The following CNTNAP4 variants were observed in gnomAD, a reference collection of about 807,000 sequenced individuals.
CNTNAP4 encodes the protein contactin associated protein family member 4.
Under a neutral mutation model 148.4 loss-of-function variants are expected in CNTNAP4, and 98 were observed. The ratio of observed to expected loss-of-function variants is 0.66; its 90% CI spans 0.56 to 0.78. CNTNAP4 has a LOEUF of 0.78. CNTNAP4 is among the 30% of genes least tolerant of loss of function. The probability of loss-of-function intolerance (pLI) is 0.00; values close to 1 mark genes in which losing one functional copy is unlikely to be tolerated. For missense variants in CNTNAP4, 1,935 were observed against 1,565.6 expected (o/e 1.24, Z -3.98); for synonymous variants, 730 against 565.1 (o/e 1.29, Z -4.14).
intron 2 of CNTNAP4, among the ~76,000 whole-genome samples, chr16:76,340,039 G>A (rs1032997566): frequency 6.6e-6 from 1 of 152,126 alleles, no homozygotes; most frequent in African/African-American, 2.4e-5. Context: ...ACAAGAACAG[G>A]TTTCATAGAA....
chr16:76,313,876 T>G (rs1597158280), intron 1 of CNTNAP4, among the ~76,000 whole-genome samples: 1 of 152,194 alleles, frequency 6.6e-6, no homozygotes, highest in East Asian at 1.9e-4. Flanking sequence ...AATTATAGAA[T>G]GTATATGTTA....
chr16:76,544,027 C>T (rs1018097230), intron 21 of CNTNAP4, among the ~76,000 whole-genome samples: 1 of 152,176 alleles, frequency 6.6e-6, no homozygotes, highest in Non-Finnish European at 1.5e-5. Context: ...GAGCTTATGG[C>T]AGTGGGGATT....
At chr16:76,516,063 G>C (rs11642786) in intron 15 of CNTNAP4, among the ~76,000 whole-genome samples, 48,247 of 151,614 alleles carry the variant, frequency 0.32, 9,175 homozygotes, top group East Asian at 0.54. Flanking sequence ...GCATCCATTA[G>C]GTATTTGTCT....
intron 4 of CNTNAP4, among the ~76,000 whole-genome samples, chr16:76,428,307 T>A (rs1450876718): frequency 6.6e-6 from 1 of 152,132 alleles, no homozygotes; most frequent in East Asian, 1.9e-4. Flanking sequence ...TTAATATGAT[T>A]TACAATTAGC....
intron 2 of CNTNAP4, among the ~76,000 whole-genome samples, chr16:76,338,357 A>T (rs549208838): frequency 9.9e-5 from 15 of 152,200 alleles, no homozygotes; most frequent in African/African-American, 2.2e-4. Context: ...CTTGATGACA[A>T]CTGCCCTCCT....
chr16:76,490,306 G>C (rs114295199), intron 13 of CNTNAP4, among the ~76,000 whole-genome samples: 2,150 of 152,254 alleles, frequency 0.014, 46 homozygotes, highest in African/African-American at 0.048. Context: ...CTCATGGATT[G>C]TTGACAGCCT....
chr16:76,527,640 T>C (rs2083799122), intron 17 of CNTNAP4, among the ~76,000 whole-genome samples: 1 of 152,224 alleles, frequency 6.6e-6, no homozygotes, highest in African/African-American at 2.4e-5. Flanking sequence ...ATGGTAATAA[T>C]AATAATGTTT....
intron 1 of CNTNAP4, among the ~76,000 whole-genome samples, chr16:76,279,710 G>C (rs1597062204): frequency 6.6e-6 from 1 of 152,130 alleles, no homozygotes; most frequent in African/African-American, 2.4e-5. Context: ...TTCTTCAAGT[G>C]TCAAAAATAA....
At chr16:76,368,767 C>T (rs1340702407) in intron 3 of CNTNAP4, among the ~76,000 whole-genome samples, 2 of 152,172 alleles carry the variant, frequency 1.3e-5, no homozygotes, top group East Asian at 3.9e-4. Context: ...CACATGTATA[C>T]CTATGTAACA....
Position 76,498,507 on chromosome 16 carries a change from G to T in CNTNAP4, c.2238-60G>T, listed in dbSNP as rs541810850. The T allele has an allele frequency of 9.5e-6, 14 of 1,476,542 alleles. No homozygotes were observed. In the African/African-American group the frequency reaches 1.5e-4, roughly 16 times the overall value. 91.5% of individuals were successfully genotyped at this position (1,476,542 alleles called of 1,614,324 possible). ...ATTTAGTTCAGAACATCTTGGTTTT[G>T]CAATGCAATAAGGACTATTAAAAGT... On this transcript the variant is annotated intron_variant, in intron 14 of 23. Coordinates refer to ENST00000611870, the MANE Select transcript of CNTNAP4 (RefSeq NM_033401.5).
At chr16:76,328,597 G>T (rs550020523) in intron 2 of CNTNAP4, among the ~76,000 whole-genome samples, 72 of 151,534 alleles carry the variant, frequency 4.8e-4, no homozygotes, top group African/African-American at 1.7e-3. Context: ...TAATAATAAT[G>T]TATCAATAGT....
At chr16:76,316,369 C>G (rs1384536866) in intron 1 of CNTNAP4, 44 bp from the exon 2 acceptor site, 2 of 1,302,394 alleles carry the variant, frequency 1.5e-6, no homozygotes, top group Non-Finnish European at 1.1e-6. Context: ...CCACGAAAGC[C>G]TCAGCACTAA....
At chr16:76,359,922 G>A (rs539759227) in intron 3 of CNTNAP4, among the ~76,000 whole-genome samples, 91 of 152,288 alleles carry the variant, frequency 6.0e-4, no homozygotes, top group Admixed American at 2.4e-3. Context: ...TAGATAACAT[G>A]TGCAGGAACT....
At chr16:76,462,437 T>C (rs2081012381) in intron 9 of CNTNAP4, among the ~76,000 whole-genome samples, 1 of 152,236 alleles carries the variant, frequency 6.6e-6, no homozygotes, top group Non-Finnish European at 1.5e-5. Context: ...CTGATTTAAT[T>C]GCAGTAGTTT....
chr16:76,277,954 C>G (rs747463569), intron 1 of CNTNAP4, among the ~76,000 whole-genome samples: 2 of 152,204 alleles, frequency 1.3e-5, no homozygotes, highest in Admixed American at 1.3e-4. Context: ...TGTCATTTCT[C>G]TTTTTGTCTA....
In CNTNAP4 at chr16:76,475,988, A is replaced by T; in HGVS notation, c.1705A>T (p.Ser569Cys). The T allele has an allele frequency of 6.2e-7, 1 of 1,613,944 alleles. No homozygotes were observed. Among genetic ancestry groups the T allele is most frequent in the Non-Finnish European group, 8.5e-7 (1 of 1,179,840 alleles). ...EHGGECSQSW[S>C]TFHCNCTNTG... is the part of the protein sequence containing the mutation. ...CGGTGGGGAGTGTTCCCAGTCCTGG[A>T]GCACCTTTCATTGTAACTGTACCAA... The change falls in exon 11 of 24, where the codon AGC becomes TGC. Residue 569 changes from serine to cysteine, a missense_variant. Coordinates refer to ENST00000611870, the MANE Select transcript of CNTNAP4 (RefSeq NM_033401.5).
chr16:76,455,584 A>G (rs1255400292), intron 8 of CNTNAP4, among the ~76,000 whole-genome samples: 1 of 152,176 alleles, frequency 6.6e-6, no homozygotes, highest in Non-Finnish European at 1.5e-5. Context: ...ATGGGTACCA[A>G]CCACCTCCAT....
intron 3 of CNTNAP4, among the ~76,000 whole-genome samples, chr16:76,366,673 T>C (rs914627811): frequency 3.9e-5 from 6 of 152,166 alleles, no homozygotes; most frequent in African/African-American, 1.4e-4. Context: ...CTGGGTCAAA[T>C]GGTTCTTAGC....
intron 3 of CNTNAP4, among the ~76,000 whole-genome samples, chr16:76,368,827 A>G (rs1323412390): frequency 6.6e-6 from 1 of 152,186 alleles, no homozygotes; most frequent in East Asian, 1.9e-4. Context: ...TAATAAAAAA[A>G]TAAAATTACA....
Sources: gnomAD v4.1 joint callset for allele counts (sites outside exome capture counted in the v4.1 genomes callset) on GRCh38, gnomAD v4.1.1 for gene constraint, MANE v1.5 for transcripts, NCBI Gene and HGNC (gene_info 2026-07-23, HGNC 2026-07-21) for gene names.